The following EDNRB variants were observed in gnomAD, a reference collection of about 807,000 sequenced individuals.
EDNRB encodes the protein endothelin receptor type B.
A neutral mutation model predicts 46.4 loss-of-function variants in EDNRB; 18 were observed. The observed-to-expected ratio is 0.39, with a 90% CI of 0.27 to 0.57. The LOEUF (loss-of-function observed/expected upper bound fraction) is 0.57. Ranked by LOEUF, EDNRB falls within the 20% of genes least tolerant of loss-of-function variation. The pLI is 0.61. For synonymous variants in EDNRB, 213 were observed against 204.9 expected (o/e 1.04, Z -0.34); for missense variants, 434 against 537.5 (o/e 0.81, Z 1.90).
chr13:77,971,610 G>A (rs1036393105), intron 1 of EDNRB, among the ~76,000 whole-genome samples: 7 of 149,852 alleles, frequency 4.7e-5, no homozygotes, highest in Non-Finnish European at 7.4e-5. Context: ...TTAACTCATG[G>A]AAAGCTTGCT....
intron 1 of EDNRB, among the ~76,000 whole-genome samples, chr13:77,938,152 T>C (rs1443272796): frequency 6.6e-6 from 1 of 151,846 alleles, no homozygotes; most frequent in Non-Finnish European, 1.5e-5. Flanking sequence ...GCAGGAGGAA[T>C]GGAGGGTGGA....
intron 1 of EDNRB, among the ~76,000 whole-genome samples, chr13:77,934,679 A>AC (rs1880504103): frequency 7.8e-6 from 1 of 127,568 alleles, no homozygotes; most frequent in East Asian, 2.5e-4. Context: ...TGTGTAGGAA[A>AC]GGGGGGGGGG....
intron 1 of EDNRB, among the ~76,000 whole-genome samples, chr13:77,967,610 A>G (rs1881617980): frequency 6.6e-6 from 1 of 152,194 alleles, no homozygotes. Context: ...TAACTGATGC[A>G]TCTATTTCAA....
chr13:77,962,516 A>T (rs544123033), intron 1 of EDNRB, among the ~76,000 whole-genome samples: 18 of 152,200 alleles, frequency 1.2e-4, no homozygotes, highest in Non-Finnish European at 2.2e-4. Context: ...CCAAAGACAA[A>T]AACCACATGA....
chr13:77,942,064 A>C (rs1880766512), intron 1 of EDNRB, among the ~76,000 whole-genome samples: 1 of 152,182 alleles, frequency 6.6e-6, no homozygotes, highest in Non-Finnish European at 1.5e-5. Flanking sequence ...TGCTTTGTCT[A>C]AACAAAAATA....
intron 1 of EDNRB, among the ~76,000 whole-genome samples, chr13:77,964,267 C>T (rs1881514091): frequency 6.6e-6 from 1 of 152,204 alleles, no homozygotes; most frequent in African/African-American, 2.4e-5. Context: ...CATCCCATTA[C>T]TGGGTATATA....
intron 3 of EDNRB, 63 bp downstream of exon 3, chr13:77,903,093 G>T: frequency 1.3e-6 from 2 of 1,568,242 alleles, no homozygotes; most frequent in South Asian, 2.2e-5. Context: ...GGGGAACAGG[G>T]GAAAAATAGC....
upstream of EDNRB, chr13:77,919,066 C>A: frequency 1.9e-6 from 1 of 519,758 alleles, no homozygotes; most frequent in Non-Finnish European, 3.0e-6. Context: ...ACCTCTATAC[C>A]CCGCGATTGA....
chr13:77,898,116 G>T lies in EDNRB; in HGVS notation c.*84C>A. The stretch of plus-strand genomic sequence containing the variant: ...GTGCTGTGCAAATACATAGTTTTTT[G>T]TTTTGTTTTGGCAAATGTTTCATTT... On this transcript the variant is annotated 3_prime_UTR_variant, in exon 7 of 7. Transcript: ENST00000646607. The T allele has an allele frequency of 2.6e-6, 4 of 1,554,976 alleles. No individual in the cohort carries two copies. The highest frequency in any genetic ancestry group is 2.3e-5 in the South Asian group (2 of 85,470).
At chr13:77,970,056 G>T (rs532632028) in intron 1 of EDNRB, among the ~76,000 whole-genome samples, 29 of 152,298 alleles carry the variant, frequency 1.9e-4, no homozygotes, top group African/African-American at 6.0e-4. Flanking sequence ...AAAATTCCAA[G>T]ATTTTTTAGG....
At chr13:77,952,130 G>A (rs535841901) in intron 1 of EDNRB, among the ~76,000 whole-genome samples, 15 of 152,138 alleles carry the variant, frequency 9.9e-5, no homozygotes, top group African/African-American at 2.4e-4. Flanking sequence ...TTTAGGGAGC[G>A]CAAAGTAAAA....
Position 77,900,609 on chromosome 13 carries a change from C to A in EDNRB, c.997G>T (p.Ala333Ser). Residue 333 changes from alanine to serine, a missense_variant, in exon 5 of 7, where the codon GCC (alanine) becomes TCC (serine). Ala to Ser is a moderately conservative substitution (Grantham distance 99). Coordinates refer to ENST00000646607, the MANE Select transcript of EDNRB (RefSeq NM_001122659.3). ...KTVFCLVLVF[A>S]LCWLPLHLSR... is the part of the protein sequence containing the mutation. ...AGGTGAAGGGGAAGCCAGCAGAGGGCAAAGACAAGGACCAGGCAAAAGACG... is the reference window on the plus strand; with the variant it reads ...AGGTGAAGGGGAAGCCAGCAGAGGGAAAAGACAAGGACCAGGCAAAAGACG... 1.2e-6 allele frequency: 2 copies of A among 1,612,550 alleles called. No individual in the cohort carries two copies. The highest frequency in any genetic ancestry group is 8.5e-7 in the Non-Finnish European group (1 of 1,179,118).
At chr13:77,970,956 C>T (rs1302874794) in intron 1 of EDNRB, among the ~76,000 whole-genome samples, 1 of 152,182 alleles carries the variant, frequency 6.6e-6, no homozygotes, top group Non-Finnish European at 1.5e-5. Flanking sequence ...TGAGTTTCTT[C>T]ATGCTTTGGC....
intron 1 of EDNRB, among the ~76,000 whole-genome samples, chr13:77,972,868 G>C (rs964916499): frequency 1.3e-5 from 2 of 152,182 alleles, no homozygotes; most frequent in Admixed American, 6.5e-5. Context: ...GACTCTGGAG[G>C]GGGTGGCGCT....
At chr13:77,943,006 G>A (rs756777057) in intron 1 of EDNRB, among the ~76,000 whole-genome samples, 8 of 151,998 alleles carry the variant, frequency 5.3e-5, no homozygotes, top group South Asian at 2.1e-4. Context: ...TGACAGAAAC[G>A]TTTAGCCTGC....
chr13:77,945,179 C>T (rs1366407864), intron 1 of EDNRB, among the ~76,000 whole-genome samples: 1 of 152,078 alleles, frequency 6.6e-6, no homozygotes, highest in Non-Finnish European at 1.5e-5. Context: ...TACATGTGTA[C>T]ATTTTATGTT....
intron 1 of EDNRB, among the ~76,000 whole-genome samples, chr13:77,915,465 G>A (rs1879763759): frequency 6.6e-6 from 1 of 152,208 alleles, no homozygotes; most frequent in African/African-American, 2.4e-5. Flanking sequence ...TTGTGCAGTG[G>A]GATGGGGTGG....
chr13:77,908,511 T>A (rs1879406034), intron 1 of EDNRB, among the ~76,000 whole-genome samples: 3 of 151,964 alleles, frequency 2.0e-5, no homozygotes, highest in African/African-American at 7.2e-5. Flanking sequence ...ATGGGTATGA[T>A]TCTTAGACAT....
intron 1 of EDNRB, among the ~76,000 whole-genome samples, chr13:77,970,006 T>C (rs2137694484): frequency 6.6e-6 from 1 of 152,348 alleles, no homozygotes; most frequent in Admixed American, 6.5e-5. Context: ...GGAATGTTTC[T>C]TTAACATTCC....
Sources: allele counts gnomAD v4.1 joint callset (sites outside exome capture counted in the v4.1 genomes callset), GRCh38; gene constraint gnomAD v4.1.1; transcripts MANE v1.5; gene names NCBI Gene and HGNC (gene_info 2026-07-23, HGNC 2026-07-21).